Variants in PTPN3 observed in about 807,000 individuals in gnomAD.
PTPN3 encodes the protein tyrosine-protein phosphatase non-receptor type 3.
A neutral mutation model predicts 132.7 loss-of-function variants in PTPN3; 96 were observed. That is an observed-to-expected ratio of 0.72 (90% confidence interval 0.61 to 0.86). The LOEUF (loss-of-function observed/expected upper bound fraction) is 0.86. Among genes scored for constraint, PTPN3 ranks in the 40% least tolerant of loss-of-function variants. The pLI, the probability that PTPN3 is intolerant of heterozygous loss-of-function variation, is 0.00. For missense variants in PTPN3, 1,125 were observed against 1,159.6 expected, an observed-to-expected ratio of 0.97 and a Z score of 0.43; for synonymous variants, 398 against 429.0, an observed-to-expected ratio of 0.93 and a Z score of 0.89.
intron 1 of PTPN3, among the ~76,000 whole-genome samples, chr9:109,485,722 ACCATC>A (rs1198412660): frequency 2.6e-5 from 4 of 151,708 alleles, no homozygotes; most frequent in African/African-American, 9.7e-5. Flanking sequence ...CCCTTCCACC[ACCATC>A]CTGAGAAGAC....
At chr9:109,427,193 C>G (rs1843343027) in intron 11 of PTPN3, 71 bp from the exon 12 acceptor site, 12 of 1,512,872 alleles carry the variant, frequency 7.9e-6, no homozygotes, top group Middle Eastern at 1.8e-4. Context: ...ATTTAACCCA[C>G]ATTGGTGAAA....
the PTPN3 span, among the ~76,000 whole-genome samples, chr9:109,505,751 T>C: frequency 6.6e-6 from 1 of 151,868 alleles, no homozygotes; most frequent in Admixed American, 6.6e-5. Context: ...GAACATCAAC[T>C]TCTTTTTTTT....
At chr9:109,421,797 G>A (rs1842908196) in intron 13 of PTPN3, among the ~76,000 whole-genome samples, 1 of 152,122 alleles carries the variant, frequency 6.6e-6, no homozygotes. Flanking sequence ...TCCCTAGCAG[G>A]CCCAGCACAG....
chr9:109,443,324 GC>G (rs529620864), intron 7 of PTPN3, among the ~76,000 whole-genome samples: 58 of 152,058 alleles, frequency 3.8e-4, no homozygotes, highest in African/African-American at 1.4e-3. Context: ...TGATCCTCCT[GC>G]CTCAGCCTTA....
At chr9:109,537,032 G>A in the PTPN3 span, among the ~76,000 whole-genome samples, 1,343 of 152,128 alleles carry the variant, frequency 8.8e-3, 15 homozygotes, top group African/African-American at 0.031. Context: ...CATGGACCTG[G>A]CTCCCTCTCC....
chr9:109,385,735 T>C (rs1052318162), intron 22 of PTPN3, among the ~76,000 whole-genome samples: 3 of 152,226 alleles, frequency 2.0e-5, no homozygotes, highest in Admixed American at 2.0e-4. Flanking sequence ...AAGTTGTCAA[T>C]GGACAACGAA....
chr9:109,417,665 G>A (rs551426847), intron 14 of PTPN3: 36 of 985,122 alleles, frequency 3.7e-5, no homozygotes, highest in African/African-American at 3.0e-4. Context: ...GCTTCCCACC[G>A]GCAGGAAGAG....
upstream of PTPN3, among the ~76,000 whole-genome samples, chr9:109,501,204 C>A (rs1847860462): frequency 6.6e-6 from 1 of 152,170 alleles, no homozygotes; most frequent in Non-Finnish European, 1.5e-5. Context: ...TATATATATT[C>A]TCTCTTTAAT....
chr9:109,418,537 A>G (rs953960406), intron 14 of PTPN3, among the ~76,000 whole-genome samples: 1 of 152,226 alleles, frequency 6.6e-6, no homozygotes, highest in Admixed American at 6.5e-5. Context: ...TGTGTGAAAA[A>G]TGCACTTTTC....
intron 10 of PTPN3, chr9:109,429,117 A>C: frequency 1.1e-6 from 1 of 937,738 alleles, no homozygotes; most frequent in Non-Finnish European, 1.3e-6. Flanking sequence ...CATTTGCAAG[A>C]TAACAGAATT....
rs1021456593 is a variant in PTPN3 at position 109,377,372 on chromosome 9, G to C, written c.*2184C>G. 7.1e-6 allele frequency: 1 copy of C among 140,978 alleles called. No homozygotes were observed. Among genetic ancestry groups the C allele is most frequent in the Non-Finnish European group, 1.5e-5 (1 of 66,414 alleles). The allele number at this position is 140,978 out of a possible 1,614,324, so 8.7% of individuals were successfully genotyped here. On this transcript the variant is annotated 3_prime_UTR_variant, in exon 26 of 26. Coordinates refer to ENST00000374541, the MANE Select transcript of PTPN3 (RefSeq NM_002829.4). ...GGCCAGGAGTTTGAGACCAGCCTAG[G>C]CAACACATCAAGATCCTGTCTCTAC...
At chr9:109,473,750 CAG>C (rs1348328091) in intron 1 of PTPN3, among the ~76,000 whole-genome samples, 1 of 152,082 alleles carries the variant, frequency 6.6e-6, no homozygotes, top group African/African-American at 2.4e-5. Context: ...TGAAGTATCA[CAG>C]AGAGAAAAAG....
At chr9:109,455,050 G>A (rs999012742) in intron 4 of PTPN3, among the ~76,000 whole-genome samples, 8 of 152,154 alleles carry the variant, frequency 5.3e-5, no homozygotes, top group African/African-American at 1.9e-4. Context: ...CCAATTAGAG[G>A]TGACTTGCCT....
chr9:109,514,150 G>A, the PTPN3 span, among the ~76,000 whole-genome samples: 1 of 152,098 alleles, frequency 6.6e-6, no homozygotes, highest in African/African-American at 2.4e-5. Flanking sequence ...TCCTTCCCAA[G>A]CCCCACTTTC....
the PTPN3 span, chr9:109,533,879 C>A: frequency 1.3e-6 from 1 of 764,948 alleles, no homozygotes; most frequent in Non-Finnish European, 2.3e-6. Flanking sequence ...AGGACCCCTA[C>A]GACGTGGATA....
chr9:109,510,576 A>ATATATATATAT, the PTPN3 span, among the ~76,000 whole-genome samples: 1 of 47,336 alleles, frequency 2.1e-5, no homozygotes, highest in Non-Finnish European at 4.1e-5. Context: ...AAAAAAAAAA[A>ATATATATATAT]ATATATATAT....
intron 12 of PTPN3, among the ~76,000 whole-genome samples, chr9:109,423,152 T>C (rs1842998328): frequency 6.6e-6 from 1 of 152,228 alleles, no homozygotes; most frequent in Admixed American, 6.5e-5. Context: ...CACACAGAAA[T>C]ACAGCTCCAG....
intron 2 of PTPN3, among the ~76,000 whole-genome samples, chr9:109,462,250 C>A (rs576629564): frequency 1.3e-5 from 2 of 152,216 alleles, no homozygotes; most frequent in African/African-American, 4.8e-5. Context: ...ACTGGGCCAC[C>A]GCCCCATGCC....
chr9:109,402,701 T>G (rs574653439), intron 19 of PTPN3, among the ~76,000 whole-genome samples: 2 of 146,670 alleles, frequency 1.4e-5, no homozygotes, highest in Admixed American at 1.4e-4. Flanking sequence ...GTAATTATAG[T>G]TACTACCCTT....
Sources: gnomAD v4.1 joint callset for allele counts (sites outside exome capture counted in the v4.1 genomes callset) on GRCh38, gnomAD v4.1.1 for gene constraint, MANE v1.5 for transcripts, NCBI Gene and HGNC (gene_info 2026-07-23, HGNC 2026-07-21) for gene names.